BBC3: variants seen among roughly 807,000 people sequenced by gnomAD.
The protein encoded by BBC3 is bcl-2-binding component 3.
BBC3 carries 5 observed loss-of-function variants against 18.2 expected under a neutral mutation model. The ratio of observed to expected loss-of-function variants is 0.27; its 90% CI spans 0.14 to 0.58. BBC3 has a LOEUF of 0.58. Ranked by LOEUF, BBC3 falls within the 20% of genes least tolerant of loss-of-function variation. BBC3 has a pLI of 0.91. For missense variants in BBC3, 224 were observed against 268.9 expected, an observed-to-expected ratio of 0.83 and a Z score of 1.17; for synonymous variants, 119 against 128.0, an observed-to-expected ratio of 0.93 and a Z score of 0.47.
chr19:47,228,596 C>T lies in BBC3; in HGVS notation c.-15-150G>A. On this transcript the variant is annotated intron_variant, in intron 1 of 3. Transcript: ENST00000439096. This position sits in a 1 kb window ranked among gnomAD's most constrained non-coding sequence, Gnocchi z 5.5. ...ACGGCCCCACAGAGACACGCCCAGC[C>T]GGGGGATGACACCACCGGGTCCTGG... 1.2e-6 allele frequency: 1 copy of T among 806,776 alleles called. No homozygotes were observed. The highest frequency in any genetic ancestry group is 1.7e-6 in the Non-Finnish European group (1 of 602,080). The allele number at this position is 806,776 out of a possible 1,614,324, so 50.0% of individuals were successfully genotyped here.
At chr19:47,225,296 C>T (rs954752659) in intron 3 of BBC3, among the ~76,000 whole-genome samples, 2 of 152,068 alleles carry the variant, frequency 1.3e-5, no homozygotes, top group Non-Finnish European at 2.9e-5. Context: ...GAGCCACTTG[C>T]CTCCGCCTCC....
At chr19:47,231,207 C>A (rs992151163), upstream of BBC3, 4 of 982,196 alleles carry the variant, frequency 4.1e-6, no homozygotes, top group Non-Finnish European at 4.8e-6. This position sits in a 1 kb window ranked among gnomAD's most constrained non-coding sequence, Gnocchi z 4.0. Context: ...CTCAGGCCGC[C>A]CGGCGGATCC....
chr19:47,222,501 T>C (rs1283355545), intron 3 of BBC3: 2 of 152,178 alleles, frequency 1.3e-5, no homozygotes, highest in Non-Finnish European at 2.9e-5. Flanking sequence ...GGCTAGGTCC[T>C]AGGAAAGGCT....
chr19:47,232,249 G>T (rs1225235370), upstream of BBC3, among the ~76,000 whole-genome samples: 1 of 152,208 alleles, frequency 6.6e-6, no homozygotes. Flanking sequence ...TACTTGGGAG[G>T]CTGAGGCAGG....
At chr19:47,227,388 TC>T (rs1439103234) in intron 2 of BBC3, among the ~76,000 whole-genome samples, 1 of 136,094 alleles carries the variant, frequency 7.3e-6, no homozygotes, top group African/African-American at 2.8e-5. Flanking sequence ...GCCTGAGGGT[TC>T]CCTAAGGCCT....
upstream of BBC3, chr19:47,232,572 A>C (rs2058925283): frequency 1.3e-6 from 2 of 1,544,592 alleles, no homozygotes; most frequent in African/African-American, 2.7e-5. Flanking sequence ...TGGCATGGAC[A>C]TGCCTGGGCA....
At chr19:47,229,727 C>T (rs1045288094) in intron 1 of BBC3, among the ~76,000 whole-genome samples, 2 of 151,898 alleles carry the variant, frequency 1.3e-5, no homozygotes, top group Non-Finnish European at 2.9e-5. Context: ...ACTGCATAGA[C>T]CCCACAGATC....
chr19:47,229,921 C>T (rs1460358783), intron 1 of BBC3, among the ~76,000 whole-genome samples: 1 of 152,118 alleles, frequency 6.6e-6, no homozygotes, highest in African/African-American at 2.4e-5. Flanking sequence ...GCAAAAGACA[C>T]ATGCCCCGGA....
chr19:47,232,756 G>T (rs1053985393), upstream of BBC3: 3 of 617,740 alleles, frequency 4.9e-6, no homozygotes, highest in African/African-American at 5.6e-5. Context: ...TCACCCAATC[G>T]CAATCGCCTC....
At chr19:47,225,881 G>T (rs994936690) in intron 3 of BBC3, among the ~76,000 whole-genome samples, 1 of 152,188 alleles carries the variant, frequency 6.6e-6, no homozygotes, top group African/African-American at 2.4e-5. Flanking sequence ...ATGCAAGGAG[G>T]GGGAAGGGAT....
upstream of BBC3, among the ~76,000 whole-genome samples, chr19:47,232,300 G>A (rs1600256788): frequency 6.6e-6 from 1 of 152,210 alleles, no homozygotes. Flanking sequence ...GCAGTGAGCC[G>A]AGATAGTGCC....
intron 3 of BBC3, chr19:47,222,670 CTA>C (rs2058764845): frequency 6.6e-6 from 1 of 152,108 alleles, no homozygotes; most frequent in Non-Finnish European, 1.5e-5. Flanking sequence ...AACCCCGTCT[CTA>C]TTAAAAATAC....
At chr19:47,226,780 A>G in intron 2 of BBC3, 26 bp from the exon 3 acceptor site, 2 of 1,376,394 alleles carry the variant, frequency 1.5e-6, no homozygotes, top group Non-Finnish European at 1.9e-6. Flanking sequence ...GGGCGCGGTC[A>G]GCACCCACCA....
chr19:47,230,644 G>A lies in BBC3; in HGVS notation c.-16+285C>T, dbSNP rs2058901041. ...CCCTGGGGTCGACCCTCTTCCCCGGGGCCGCACTGGCCGCCAGGGGGCGCT... is the reference window on the plus strand; with the variant it reads ...CCCTGGGGTCGACCCTCTTCCCCGGAGCCGCACTGGCCGCCAGGGGGCGCT... On this transcript the variant is annotated intron_variant, in intron 1 of 3. Coordinates refer to ENST00000439096, the MANE Select transcript of BBC3 (RefSeq NM_014417.5). The surrounding 1 kb of genome is among the most constrained non-coding windows in gnomAD (Gnocchi z 6.7). 2 of 845,080 alleles carry A rather than the reference G, an allele frequency of 2.4e-6. No individual in the cohort carries two copies. The highest frequency in any genetic ancestry group is 2.8e-6 in the Non-Finnish European group (2 of 702,054). 52.3% of individuals were successfully genotyped at this position (845,080 alleles called of 1,614,324 possible).
upstream of BBC3, chr19:47,232,728 T>C: frequency 1.2e-6 from 1 of 833,076 alleles, no homozygotes; most frequent in Non-Finnish European, 1.9e-6. Context: ...CCTCTACACT[T>C]TCCATCCTTA....
Position 47,228,484 on chromosome 19 carries a change from G to A in BBC3, c.-15-38C>T. On this transcript the variant is annotated intron_variant, in intron 1 of 3. Coordinates refer to ENST00000439096, the MANE Select transcript of BBC3 (RefSeq NM_014417.5). This position sits in a 1 kb window ranked among gnomAD's most constrained non-coding sequence, Gnocchi z 5.5. ...GGAGGAGGAGCAGGTCAGCAGGGAA[G>A]TACCAGGGCCCACTGTACCTCCAGC... is the stretch of plus-strand genomic sequence containing the variant. 8.1e-7 allele frequency: 1 copy of A among 1,230,534 alleles called. No homozygotes were observed. The highest frequency in any genetic ancestry group is 1.6e-5 in the African/African-American group (1 of 64,430). 76.2% of individuals were successfully genotyped at this position (1,230,534 alleles called of 1,614,324 possible). A position where few individuals can be genotyped will look rare whatever the true frequency, so the allele number is the denominator to read the frequency against.
intron 3 of BBC3, among the ~76,000 whole-genome samples, chr19:47,223,219 C>T (rs1446940106): frequency 7.9e-5 from 12 of 150,960 alleles, no homozygotes; most frequent in East Asian, 1.9e-4. Context: ...TGCAGTGAGC[C>T]GAGATGGCGC....
intron 1 of BBC3, among the ~76,000 whole-genome samples, chr19:47,229,920 A>T (rs1190977173): frequency 2.0e-5 from 3 of 152,156 alleles, no homozygotes; most frequent in Admixed American, 6.6e-5. Context: ...GGCAAAAGAC[A>T]CATGCCCCGG....
intron 3 of BBC3, 44 bp downstream of exon 3, chr19:47,226,520 C>T (rs746971716): frequency 6.7e-7 from 1 of 1,483,684 alleles, no homozygotes; most frequent in South Asian, 1.3e-5. Context: ...CCCCCTCCTC[C>T]GGCGGAAGTC....
Sources: allele counts gnomAD v4.1 joint callset (sites outside exome capture counted in the v4.1 genomes callset), GRCh38; gene constraint gnomAD v4.1.1; non-coding constraint Gnocchi (gnomAD v3.1); transcripts MANE v1.5; gene names NCBI Gene and HGNC (gene_info 2026-07-23, HGNC 2026-07-21).